TMEM132D: variants seen among roughly 807,000 people sequenced by gnomAD.
TMEM132D encodes transmembrane protein 132D.
A neutral mutation model predicts 62.3 loss-of-function variants in TMEM132D; 21 were observed. The ratio of observed to expected loss-of-function variants is 0.34; its 90% CI spans 0.24 to 0.49. The LOEUF (loss-of-function observed/expected upper bound fraction) is 0.49, where lower values mean the gene tolerates loss of function less well. TMEM132D is among the 20% of genes least tolerant of loss of function. The pLI, the probability that TMEM132D is intolerant of heterozygous loss-of-function variation, is 0.99. For synonymous variants in TMEM132D, 621 were observed against 575.6 expected (o/e 1.08, Z -1.13); for missense variants, 1,346 against 1,402.8 (o/e 0.96, Z 0.65).
At chr12:129,514,518 T>C (rs1875616157) in intron 3 of TMEM132D, among the ~76,000 whole-genome samples, 1 of 151,976 alleles carries the variant, frequency 6.6e-6, no homozygotes, top group South Asian at 2.1e-4. Flanking sequence ...AGAACATCAA[T>C]AGTATGTGCA....
intron 2 of TMEM132D, among the ~76,000 whole-genome samples, chr12:129,570,011 G>C (rs577402485): frequency 1.1e-4 from 16 of 152,158 alleles, no homozygotes; most frequent in Non-Finnish European, 2.2e-4. Context: ...TCTACGGGAA[G>C]AGACTCAAAG....
intron 1 of TMEM132D, among the ~76,000 whole-genome samples, chr12:129,743,636 C>T (rs1025167691): frequency 1.2e-4 from 18 of 152,094 alleles, no homozygotes; most frequent in East Asian, 1.9e-4. Flanking sequence ...AAAATATGCT[C>T]GTGCCCTAAT....
At chr12:129,811,099 A>G (rs937924580) in intron 1 of TMEM132D, among the ~76,000 whole-genome samples, 1 of 151,922 alleles carries the variant, frequency 6.6e-6, no homozygotes, top group East Asian at 1.9e-4. Context: ...TACAATATCA[A>G]TGAACGGATT....
In TMEM132D at chr12:129,311,179, C is replaced by CAG. The variant is rs1371214403; in HGVS notation, c.1299+26453_1299+26454dup. ...CGCCACTGCACTCCAGCCTGGGCGA[C>CAG]AGAGCGAGACTCCGTCTCAAAAAAA... is the stretch of plus-strand genomic sequence containing the variant. On this transcript the variant is annotated intron_variant, in intron 4 of 8. Transcript: ENST00000422113. 4.3e-4 allele frequency among the ~76,000 whole-genome samples: 30 copies of CAG among 70,010 alleles called. 5 individuals are homozygous for CAG. Among genetic ancestry groups the CAG allele is most frequent in the African/African-American group, 2.3e-3 (29 of 12,592 alleles). 45.9% of individuals were successfully genotyped at this position (70,010 alleles called of 152,430 possible). A position where few individuals can be genotyped will look rare whatever the true frequency, so the allele number is the denominator to read the frequency against.
At chr12:129,350,108 A>T (rs1405543255) in intron 3 of TMEM132D, among the ~76,000 whole-genome samples, 1 of 152,204 alleles carries the variant, frequency 6.6e-6, no homozygotes, top group Non-Finnish European at 1.5e-5. Context: ...TTTTGAAATA[A>T]TGAATGGAAG....
chr12:129,638,790 G>A (rs1879564212), intron 2 of TMEM132D, among the ~76,000 whole-genome samples: 1 of 151,980 alleles, frequency 6.6e-6, no homozygotes, highest in Admixed American at 6.6e-5. Context: ...GTCCCACTCA[G>A]GTCCAATGCT....
At chr12:129,753,930 A>G (rs1870080314) in intron 1 of TMEM132D, among the ~76,000 whole-genome samples, 1 of 152,162 alleles carries the variant, frequency 6.6e-6, no homozygotes, top group African/African-American at 2.4e-5. Context: ...TTCCTCCACT[A>G]GAGCCTGATA....
chr12:129,738,758 C>A (rs1272056048), intron 1 of TMEM132D, among the ~76,000 whole-genome samples: 1 of 152,132 alleles, frequency 6.6e-6, no homozygotes, highest in Admixed American at 6.5e-5. Context: ...TCCTTGAGCA[C>A]GGTAGCACCA....
intron 5 of TMEM132D, among the ~76,000 whole-genome samples, chr12:129,172,144 C>A (rs963393480): frequency 3.3e-5 from 5 of 152,232 alleles, no homozygotes; most frequent in Non-Finnish European, 7.3e-5. Flanking sequence ...CTTCACCTTG[C>A]ACTTTTATAT....
At chr12:129,795,265 C>T (rs567323203) in intron 1 of TMEM132D, among the ~76,000 whole-genome samples, 2 of 152,146 alleles carry the variant, frequency 1.3e-5, no homozygotes, top group African/African-American at 4.8e-5. Flanking sequence ...GGCACCAATG[C>T]TATGGGATGC....
At chr12:129,829,040 T>C (rs1252773177) in intron 1 of TMEM132D, among the ~76,000 whole-genome samples, 1 of 151,902 alleles carries the variant, frequency 6.6e-6, no homozygotes, top group Non-Finnish European at 1.5e-5. Context: ...GAACCAAGGA[T>C]GCTGGCAGCT....
intron 5 of TMEM132D, among the ~76,000 whole-genome samples, chr12:129,189,280 TGGGATCCCAGGCCATTATA>T (rs1427835459): frequency 3.9e-5 from 6 of 152,074 alleles, no homozygotes; most frequent in Admixed American, 6.5e-5. Flanking sequence ...TCTGAAAGTT[TGGGATCCCAGGCCATTATA>T]GTACCAGATG....
At chr12:129,599,993 A>G (rs767772277) in intron 2 of TMEM132D, among the ~76,000 whole-genome samples, 4 of 152,150 alleles carry the variant, frequency 2.6e-5, no homozygotes, top group African/African-American at 4.8e-5. Context: ...AAAGGCAACA[A>G]TGAGGTTTGC....
chr12:129,273,868 C>G (rs1880928302), intron 4 of TMEM132D, among the ~76,000 whole-genome samples: 1 of 150,884 alleles, frequency 6.6e-6, no homozygotes, highest in African/African-American at 2.5e-5. Flanking sequence ...CACAATATAC[C>G]CATATAACAC....
rs571580110 is a variant in TMEM132D at position 129,295,010 on chromosome 12, G to A, written c.1299+42624C>T. ...GTTTCTGTTAGGGTGTTTTTTTGAT[G>A]AGATGAACTTTGAGTAAAGCAAATT... On this transcript the variant is annotated intron_variant, in intron 4 of 8. Transcript: ENST00000422113. Among the ~76,000 whole-genome samples, 6 of 152,236 alleles carry A rather than the reference G, an allele frequency of 3.9e-5. No individual in the cohort carries two copies. The South Asian group carries it at 1.2e-3, about 32-fold the overall frequency.
At chr12:129,754,776 G>A (rs1489052368) in intron 1 of TMEM132D, among the ~76,000 whole-genome samples, 1 of 152,132 alleles carries the variant, frequency 6.6e-6, no homozygotes, top group Non-Finnish European at 1.5e-5. Context: ...CAAAGAGACA[G>A]CGATTTTGCC....
At chr12:129,715,917 C>T (rs895213376) in intron 1 of TMEM132D, among the ~76,000 whole-genome samples, 1 of 152,166 alleles carries the variant, frequency 6.6e-6, no homozygotes, top group Non-Finnish European at 1.5e-5. Flanking sequence ...CCACTGGGGC[C>T]CATCAGGGAC....
intron 2 of TMEM132D, among the ~76,000 whole-genome samples, chr12:129,555,365 G>A (rs1877025352): frequency 6.6e-6 from 1 of 152,220 alleles, no homozygotes; most frequent in East Asian, 1.9e-4. Flanking sequence ...AAGGTGGGAT[G>A]AAAGTTGGGT....
intron 3 of TMEM132D, among the ~76,000 whole-genome samples, chr12:129,473,435 T>A (rs1874163578): frequency 6.8e-6 from 1 of 146,424 alleles, no homozygotes; most frequent in East Asian, 2.2e-4. Flanking sequence ...GTTCAAGTGA[T>A]CCTCTCGCCT....
Sources: gnomAD v4.1 joint callset for allele counts (sites outside exome capture counted in the v4.1 genomes callset) on GRCh38, gnomAD v4.1.1 for gene constraint, MANE v1.5 for transcripts, NCBI Gene and HGNC (gene_info 2026-07-23, HGNC 2026-07-21) for gene names.